The following COA6 variants were observed in gnomAD, a reference collection of about 807,000 sequenced individuals.
COA6 encodes cytochrome c oxidase assembly factor 6, also known as cytochrome c oxidase assembly factor 6 homolog.
Under a neutral mutation model 17.1 loss-of-function variants are expected in COA6, and 12 were observed. The ratio of observed to expected loss-of-function variants is 0.70; its 90% confidence interval spans 0.45 to 1.14. The LOEUF is 1.14. COA6 is among the 50% of genes most tolerant of loss of function. COA6 has a pLI of 0.00. For missense variants in COA6, 246 were observed against 196.5 expected (o/e 1.25, Z -1.51); for synonymous variants, 90 against 73.4 (o/e 1.23, Z -1.16).
intron 2 of COA6, among the ~76,000 whole-genome samples, chr1:234,379,576 A>G (rs150990599): frequency 9.7e-4 from 148 of 152,252 alleles, no homozygotes; most frequent in African/African-American, 3.1e-3. Context: ...GGAAAAAATG[A>G]TGGTGTATTA....
chr1:234,379,443 G>A (rs1658907037), intron 2 of COA6, among the ~76,000 whole-genome samples: 1 of 152,134 alleles, frequency 6.6e-6, no homozygotes, highest in South Asian at 2.1e-4. Flanking sequence ...GTAGGTTGGA[G>A]GATGAGATCA....
chr1:234,377,420 C>T (rs1310244995), intron 2 of COA6, among the ~76,000 whole-genome samples: 8 of 152,044 alleles, frequency 5.3e-5, no homozygotes, highest in African/African-American at 1.9e-4. Context: ...CCACTGCACC[C>T]GGCTCTTCCT....
At chr1:234,379,573 A>G (rs1370030964) in intron 2 of COA6, among the ~76,000 whole-genome samples, 3 of 152,130 alleles carry the variant, frequency 2.0e-5, no homozygotes, top group Non-Finnish European at 4.4e-5. Context: ...GTTGGAAAAA[A>G]TGATGGTGTA....
intron 2 of COA6, among the ~76,000 whole-genome samples, chr1:234,381,916 T>A (rs1226811939): frequency 6.6e-6 from 1 of 152,228 alleles, no homozygotes; most frequent in African/African-American, 2.4e-5. Context: ...AAACATCTAT[T>A]AATTTGTCAC....
chr1:234,373,714 G>A, intron 1 of COA6, 36 bp downstream of exon 1: 2 of 1,613,754 alleles, frequency 1.2e-6, no homozygotes, highest in Non-Finnish European at 1.7e-6. Flanking sequence ...GGGCGCGCGT[G>A]GACTATGGGC....
At chr1:234,376,740 C>T (rs1374614755) in intron 2 of COA6, among the ~76,000 whole-genome samples, 2 of 152,222 alleles carry the variant, frequency 1.3e-5, no homozygotes, top group African/African-American at 4.8e-5. Flanking sequence ...ACGGTTCTCT[C>T]ACCCAGTTCC....
At chr1:234,382,065 A>G (rs1296248993) in intron 2 of COA6, among the ~76,000 whole-genome samples, 1 of 152,238 alleles carries the variant, frequency 6.6e-6, no homozygotes, top group African/African-American at 2.4e-5. Flanking sequence ...ACCACACACC[A>G]GAGAACTGTG....
intron 2 of COA6, among the ~76,000 whole-genome samples, chr1:234,380,957 G>A (rs930448072): frequency 6.6e-6 from 1 of 152,152 alleles, no homozygotes; most frequent in African/African-American, 2.4e-5. Context: ...CCAAGATCAC[G>A]CCACTGCACT....
chr1:234,379,272 A>ACAAT (rs1658900636), intron 2 of COA6, among the ~76,000 whole-genome samples: 1 of 152,050 alleles, frequency 6.6e-6, no homozygotes, highest in South Asian at 2.1e-4. Flanking sequence ...GAGAGGGATG[A>ACAAT]CAATCAGTAG....
chr1:234,384,356 C>T lies in COA6; in HGVS notation c.*538C>T, dbSNP rs1255225819. Among the ~76,000 whole-genome samples, 1 of 152,070 alleles carries T rather than the reference C, an allele frequency of 6.6e-6. No individual in the cohort carries two copies. Among genetic ancestry groups the T allele is most frequent in the Non-Finnish European group, 1.5e-5 (1 of 67,996 alleles). ...GTCCAGTGAGACAAAAAAGAAAAAG[C>T]ATACACACTGGGAAGGAAGAAAGAA... is the stretch of plus-strand genomic sequence containing the variant. On this transcript the variant is annotated 3_prime_UTR_variant, in exon 3 of 3. Coordinates refer to ENST00000366615, the MANE Select transcript of COA6 (RefSeq NM_001206641.3).
chr1:234,380,234 A>G lies in COA6; in HGVS notation c.373-3489A>G, dbSNP rs1461515720. 2.0e-5 allele frequency among the ~76,000 whole-genome samples: 3 copies of G among 152,224 alleles called. No individual in the cohort carries two copies. In the East Asian group the frequency reaches 5.8e-4, roughly 29 times the overall value. On this transcript the variant is annotated intron_variant, in intron 2 of 2. Transcript: ENST00000366615. ...TCAATTGCCACAGAATAAAAGCTGA[A>G]AAGTTTTTCCAGAGATATGTGTGCA...
At chr1:234,377,139 G>GTTGTTGTTGTTT (rs1658831418) in intron 2 of COA6, among the ~76,000 whole-genome samples, 4 of 68,242 alleles carry the variant, frequency 5.9e-5, no homozygotes, top group East Asian at 3.5e-4. Flanking sequence ...TTTTTTTGTT[G>GTTGTTGTTGTTT]TTGTTGAGAC....
chr1:234,385,048 ACTAAAAAATG>A lies in COA6; in HGVS notation c.*1236_*1245del, dbSNP rs1659086720. Among the ~76,000 whole-genome samples the A allele has an allele frequency of 6.6e-6, 1 of 152,208 alleles. No homozygotes were observed. Among genetic ancestry groups the A allele is most frequent in the African/African-American group, 2.4e-5 (1 of 41,430 alleles). On this transcript the variant is annotated 3_prime_UTR_variant, in exon 3 of 3. Coordinates refer to ENST00000366615, the MANE Select transcript of COA6 (RefSeq NM_001206641.3). ...CCTTCATTTTAAAATACTTTTTATT[ACTAAAAAATG>A]CTAAAGATTCTCTGAGTCTTCAGCG...
chr1:234,383,030 A>AGAGAGAGAAG (rs149002825), intron 2 of COA6, among the ~76,000 whole-genome samples: 3 of 73,198 alleles, frequency 4.1e-5, no homozygotes, highest in African/African-American at 5.7e-5. Context: ...AGAGAGAGAG[A>AGAGAGAGAAG]GAAGGAAGGG....
chr1:234,373,557 C>A lies in COA6; in HGVS notation c.91C>A (p.Pro31Thr). 4 of 1,611,834 alleles carry A rather than the reference C, an allele frequency of 2.5e-6. No individual in the cohort carries two copies. Among genetic ancestry groups the A allele is most frequent in the Non-Finnish European group, 3.4e-6 (4 of 1,179,280 alleles). The change falls in exon 1 of 3, where the codon CCA (proline) becomes ACA (threonine). Residue 31 changes from proline to threonine, a missense_variant. Transcript: ENST00000366615. ...LGRSTLLELEPAGRPCSGRTR... is the reference protein window; with the variant it reads ...LGRSTLLELETAGRPCSGRTR... ...GAGGTCTACGCTTCTAGAGCTTGAG[C>A]CAGCGGGGCGACCCTGCAGTGGCAG...
chr1:234,373,673 A>T lies in COA6; in HGVS notation c.207A>T (p.Ala69=). 6.2e-6 allele frequency: 10 copies of T among 1,612,916 alleles called. No homozygotes were observed. In the African/African-American group the frequency reaches 1.2e-4, roughly 19 times the overall value. Residue 69 remains alanine, a synonymous_variant, in exon 1 of 3, where the codon GCA becomes GCT. Transcript: ENST00000366615. ...GAAAGGAAGCCGGACGTGGGCGGGC[A>T]GAGAGGTCGGCTTGCTGATGGGTCC... ...RHRKEAGRGR[A]ESFIAVGMAA... is the part of the protein sequence containing the mutation.
intron 2 of COA6, among the ~76,000 whole-genome samples, chr1:234,378,360 A>G (rs1170294752): frequency 2.0e-5 from 3 of 152,226 alleles, no homozygotes; most frequent in African/African-American, 4.8e-5. Flanking sequence ...CATACATTCT[A>G]GTATGGGGAG....
In COA6 at chr1:234,384,908, A is replaced by G. The variant is rs976473995; in HGVS notation, c.*1090A>G. Among the ~76,000 whole-genome samples the G allele has an allele frequency of 1.1e-4, 16 of 152,268 alleles. No individual in the cohort carries two copies. Among genetic ancestry groups the G allele is most frequent in the African/African-American group, 2.7e-4 (11 of 41,466 alleles). ...GTTACAGACCACTGCATTAAAGTGAATATCACAATAGAGTGGGTTACACAA... is the reference window on the plus strand; with the variant it reads ...GTTACAGACCACTGCATTAAAGTGAGTATCACAATAGAGTGGGTTACACAA... On this transcript the variant is annotated 3_prime_UTR_variant, in exon 3 of 3. Transcript: ENST00000366615.
chr1:234,381,314 T>G (rs1009345087), intron 2 of COA6, among the ~76,000 whole-genome samples: 1 of 152,148 alleles, frequency 6.6e-6, no homozygotes, highest in African/African-American at 2.4e-5. Context: ...GACCGTGTGT[T>G]GAGGGTTTAG....
Sources: allele counts gnomAD v4.1 joint callset (sites outside exome capture counted in the v4.1 genomes callset), GRCh38; gene constraint gnomAD v4.1.1; transcripts MANE v1.5; gene names NCBI Gene and HGNC (gene_info 2026-07-23, HGNC 2026-07-21).